The following JAK2 variants were observed in gnomAD, a reference collection of about 807,000 sequenced individuals.
JAK2 encodes tyrosine-protein kinase JAK2.
Under a neutral mutation model 139.3 loss-of-function variants are expected in JAK2, and 86 were observed. That is an observed-to-expected ratio of 0.62 (90% confidence interval 0.52 to 0.74). The LOEUF (loss-of-function observed/expected upper bound fraction) is 0.74, where lower values mean the gene tolerates loss of function less well. JAK2 is among the 30% of genes least tolerant of loss of function. The pLI, the probability that JAK2 is intolerant of heterozygous loss-of-function variation, is 0.00. For synonymous variants in JAK2, 490 were observed against 437.7 expected, an observed-to-expected ratio of 1.12 and a Z score of -1.49; for missense variants, 1,421 against 1,360.3, an observed-to-expected ratio of 1.04 and a Z score of -0.70.
chr9:5,034,596 A>G (rs1823430916), intron 4 of JAK2, among the ~76,000 whole-genome samples: 1 of 151,908 alleles, frequency 6.6e-6, no homozygotes, highest in Non-Finnish European at 1.5e-5. Flanking sequence ...ACTCAAAACC[A>G]CTCAACTACA....
intron 19 of JAK2, among the ~76,000 whole-genome samples, chr9:5,087,517 C>G (rs1244359794): frequency 1.3e-5 from 2 of 151,492 alleles, no homozygotes; most frequent in Admixed American, 1.3e-4. Context: ...TCAAACCCTT[C>G]TGGTTTTCTA....
intron 8 of JAK2, among the ~76,000 whole-genome samples, chr9:5,058,384 C>A (rs1360299519): frequency 6.6e-6 from 1 of 152,090 alleles, no homozygotes; most frequent in Non-Finnish European, 1.5e-5. Flanking sequence ...GAGACAGTGT[C>A]CAGGGGAAAG....
At chr9:5,114,080 C>G (rs575662845) in intron 22 of JAK2, 1 of 340,588 alleles carries the variant, frequency 2.9e-6, no homozygotes, top group African/African-American at 2.1e-5. Flanking sequence ...TCACCCTCAC[C>G]CAGAAGCGCT....
At chr9:5,013,108 A>G (rs1821806779) in intron 2 of JAK2, among the ~76,000 whole-genome samples, 1 of 152,230 alleles carries the variant, frequency 6.6e-6, no homozygotes, top group Non-Finnish European at 1.5e-5. Flanking sequence ...TTATTATCTC[A>G]AAGTATGAAA....
chr9:5,090,715 G>A (rs2130682128), intron 21 of JAK2, 24 bp from the exon 22 acceptor site: 1 of 1,567,504 alleles, frequency 6.4e-7, no homozygotes, highest in East Asian at 2.3e-5. Flanking sequence ...AAAACTAGCT[G>A]AAAGAAAAAT....
intron 11 of JAK2, 58 bp from the exon 12 acceptor site, chr9:5,069,867 G>C: frequency 1.7e-6 from 2 of 1,178,668 alleles, no homozygotes; most frequent in Admixed American, 4.6e-5. Context: ...CTCCTCTTTG[G>C]AGCAATTCAT....
At chr9:5,017,376 A>G (rs766653323) in intron 2 of JAK2, among the ~76,000 whole-genome samples, 2 of 152,190 alleles carry the variant, frequency 1.3e-5, no homozygotes, top group Non-Finnish European at 2.9e-5. Context: ...ATTCTAGCAA[A>G]TTTACTCCTT....
intron 2 of JAK2, among the ~76,000 whole-genome samples, chr9:4,999,765 T>C (rs1192148460): frequency 1.3e-5 from 2 of 152,214 alleles, no homozygotes; most frequent in African/African-American, 4.8e-5. Flanking sequence ...ATTTTTAATA[T>C]CTTTATAGTA....
intron 2 of JAK2, among the ~76,000 whole-genome samples, chr9:4,990,449 G>A (rs1243756748): frequency 3.3e-5 from 5 of 152,162 alleles, no homozygotes; most frequent in African/African-American, 7.2e-5. Context: ...TGCGGTGGCC[G>A]TGGGATGGGC....
chr9:4,991,424 T>C (rs1820236484), intron 2 of JAK2, among the ~76,000 whole-genome samples: 1 of 152,168 alleles, frequency 6.6e-6, no homozygotes, highest in East Asian at 1.9e-4. Flanking sequence ...TGCTATTAGG[T>C]AATATTTTTA....
chr9:5,086,906 G>C (rs1037455054), intron 19 of JAK2, among the ~76,000 whole-genome samples: 2 of 152,110 alleles, frequency 1.3e-5, no homozygotes, highest in African/African-American at 2.4e-5. Flanking sequence ...AACTACTTTC[G>C]CTGGTATCCA....
At chr9:5,044,635 A>G in intron 5 of JAK2, 115 bp downstream of exon 5, 1 of 602,474 alleles carries the variant, frequency 1.7e-6, no homozygotes, top group Non-Finnish European at 2.8e-6. Context: ...TCTGTCTTGC[A>G]CAGCAGGTGC....
chr9:5,118,825 A>C (rs959305121), intron 22 of JAK2, among the ~76,000 whole-genome samples: 3 of 152,174 alleles, frequency 2.0e-5, no homozygotes, highest in African/African-American at 7.2e-5. Context: ...ATTTGATCAG[A>C]TCCATTATGT....
intron 19 of JAK2, 85 bp from the exon 20 acceptor site, chr9:5,089,589 T>A: frequency 2.2e-5 from 6 of 273,806 alleles, no homozygotes; most frequent in Non-Finnish European, 3.4e-5. Context: ...TTCCAGCTAC[T>A]AGAATTTTCT....
intron 8 of JAK2, among the ~76,000 whole-genome samples, chr9:5,059,924 A>G (rs967916681): frequency 6.6e-6 from 1 of 152,130 alleles, no homozygotes; most frequent in African/African-American, 2.4e-5. Context: ...TAGAGTCTCT[A>G]TAGATTCTAA....
intron 2 of JAK2, among the ~76,000 whole-genome samples, chr9:5,002,720 T>C (rs1456453728): frequency 6.6e-6 from 1 of 152,018 alleles, no homozygotes; most frequent in Non-Finnish European, 1.5e-5. Flanking sequence ...GAAATGAGTA[T>C]TGAAATTTTT....
At chr9:5,060,310 C>A (rs1382741059) in intron 8 of JAK2, among the ~76,000 whole-genome samples, 1 of 152,140 alleles carries the variant, frequency 6.6e-6, no homozygotes, top group Non-Finnish European at 1.5e-5. Context: ...ATGACATTTA[C>A]TGCATCAGTA....
At chr9:5,106,032 A>T (rs1201760629) in intron 22 of JAK2, among the ~76,000 whole-genome samples, 1 of 152,208 alleles carries the variant, frequency 6.6e-6, no homozygotes, top group East Asian at 1.9e-4. Context: ...AACGCCAGAA[A>T]CAAAGGCAAC....
At chr9:5,002,783 A>G (rs1821001015) in intron 2 of JAK2, among the ~76,000 whole-genome samples, 1 of 151,952 alleles carries the variant, frequency 6.6e-6, no homozygotes. Flanking sequence ...ATGTAATTGG[A>G]AACTATTATT....
Sources: allele counts gnomAD v4.1 joint callset (sites outside exome capture counted in the v4.1 genomes callset), GRCh38; gene constraint gnomAD v4.1.1; transcripts MANE v1.5; gene names NCBI Gene and HGNC (gene_info 2026-07-23, HGNC 2026-07-21).